Variants in B3GLCT observed in about 807,000 individuals in gnomAD.
B3GLCT encodes the protein beta 3-glucosyltransferase, also known as beta-1,3-glucosyltransferase.
Under a neutral mutation model 63.4 loss-of-function variants are expected in B3GLCT, and 65 were observed. The ratio of observed to expected loss-of-function variants is 1.03; its 90% CI spans 0.84 to 1.26. The LOEUF (loss-of-function observed/expected upper bound fraction) is 1.26, where lower values mean the gene tolerates loss of function less well. Ranked by LOEUF, B3GLCT falls within the 50% of genes most tolerant of loss-of-function variation. The pLI is 0.00. For missense variants in B3GLCT, 577 were observed against 604.8 expected (o/e 0.95, Z 0.48); for synonymous variants, 233 against 219.2 (o/e 1.06, Z -0.55).
At position 31,329,695 on chromosome 13, in the gene B3GLCT, G is replaced by A. The variant is rs780198142; in HGVS notation, c.*27G>A. ...TCAGGGTGACCTGTGCGCCTAGCCT[G>A]CGCAGGGAATGAACTGGAGACTGTG... On this transcript the variant is annotated 3_prime_UTR_variant, in exon 15 of 15. Coordinates refer to ENST00000343307, the MANE Select transcript of B3GLCT (RefSeq NM_194318.4). 18 of 1,613,022 alleles carry A rather than the reference G, an allele frequency of 1.1e-5. No homozygotes were observed. The highest frequency in any genetic ancestry group is 1.5e-5 in the Non-Finnish European group (18 of 1,179,406).
At chr13:31,297,821 G>C (rs937123628) in intron 12 of B3GLCT, among the ~76,000 whole-genome samples, 1 of 152,102 alleles carries the variant, frequency 6.6e-6, no homozygotes, top group Non-Finnish European at 1.5e-5. Flanking sequence ...TCAGAACTCA[G>C]GGAAATACTT....
chr13:31,262,501 G>A (rs1393373033), intron 7 of B3GLCT, among the ~76,000 whole-genome samples: 2 of 152,176 alleles, frequency 1.3e-5, no homozygotes, highest in Admixed American at 6.5e-5. Context: ...CCTTCTCACC[G>A]TCTACTGGTC....
At chr13:31,278,621 G>A (rs1872908917) in intron 10 of B3GLCT, among the ~76,000 whole-genome samples, 1 of 152,124 alleles carries the variant, frequency 6.6e-6, no homozygotes, top group South Asian at 2.1e-4. Flanking sequence ...AAGGCAACAG[G>A]ATTTCAGTGA....
chr13:31,302,444 C>T (rs914429411), intron 12 of B3GLCT, among the ~76,000 whole-genome samples: 3 of 144,578 alleles, frequency 2.1e-5, no homozygotes, highest in African/African-American at 7.8e-5. Flanking sequence ...GAGTGCCAGA[C>T]AGTGGGCGCA....
chr13:31,277,473 T>G (rs1314492616), intron 10 of B3GLCT, among the ~76,000 whole-genome samples: 1 of 152,170 alleles, frequency 6.6e-6, no homozygotes, highest in Non-Finnish European at 1.5e-5. Flanking sequence ...TTTCTGAAAT[T>G]GAAAATTAGG....
intron 1 of B3GLCT, among the ~76,000 whole-genome samples, chr13:31,200,538 G>T (rs1483000647): frequency 2.7e-5 from 4 of 150,378 alleles, no homozygotes; most frequent in Admixed American, 6.6e-5. Flanking sequence ...TTGCAACAGC[G>T]CGAGTGGCGG....
chr13:31,232,127 G>A (rs989392797), intron 4 of B3GLCT, among the ~76,000 whole-genome samples: 2 of 152,176 alleles, frequency 1.3e-5, no homozygotes, highest in African/African-American at 2.4e-5. Flanking sequence ...TGAAGTTCCT[G>A]TCTCTAGATC....
At position 31,247,108 on chromosome 13, in the gene B3GLCT, G is replaced by A. The variant is rs1362433157; in HGVS notation, c.347+9G>A. On this transcript the variant is annotated intron_variant, in intron 5 of 14. Coordinates refer to ENST00000343307, the MANE Select transcript of B3GLCT (RefSeq NM_194318.4). ...CTTCCGTTGTTACCGCAGTACGTTTGTTTAACTCACCTGTGAATTACTGAC... is the reference window on the plus strand; with the variant it reads ...CTTCCGTTGTTACCGCAGTACGTTTATTTAACTCACCTGTGAATTACTGAC... 6.2e-7 allele frequency: 1 copy of A among 1,605,458 alleles called. No individual in the cohort carries two copies. The highest frequency in any genetic ancestry group is 1.7e-5 in the Admixed American group (1 of 59,990).
At chr13:31,230,884 T>C (rs1566052107) in intron 4 of B3GLCT, among the ~76,000 whole-genome samples, 1 of 152,100 alleles carries the variant, frequency 6.6e-6, no homozygotes, top group Non-Finnish European at 1.5e-5. Flanking sequence ...GGTGTGCGCC[T>C]GTAGTCCCAG....
chr13:31,240,834 C>T (rs947645985), intron 4 of B3GLCT, among the ~76,000 whole-genome samples: 2 of 152,108 alleles, frequency 1.3e-5, no homozygotes. Context: ...TATTGCATTG[C>T]TGTTGAATGC....
intron 10 of B3GLCT, among the ~76,000 whole-genome samples, chr13:31,279,597 C>T (rs906228700): frequency 6.6e-6 from 1 of 152,036 alleles, no homozygotes; most frequent in Non-Finnish European, 1.5e-5. Context: ...TAAAATAGCA[C>T]AAGGCAAATG....
chr13:31,301,083 CATA>C (rs1188588605), intron 12 of B3GLCT, among the ~76,000 whole-genome samples: 1 of 152,208 alleles, frequency 6.6e-6, no homozygotes, highest in African/African-American at 2.4e-5. Flanking sequence ...CTCTCACTGT[CATA>C]ATCTTTGCAA....
At chr13:31,318,219 AT>A (rs932880997) in intron 13 of B3GLCT, among the ~76,000 whole-genome samples, 2 of 152,238 alleles carry the variant, frequency 1.3e-5, no homozygotes, top group African/African-American at 4.8e-5. Flanking sequence ...GGGTAAATCA[AT>A]TAAGCAGTTT....
intron 7 of B3GLCT, 100 bp downstream of exon 7, chr13:31,261,182 GTT>G: frequency 2.9e-6 from 4 of 1,387,676 alleles, no homozygotes; most frequent in Non-Finnish European, 4.0e-6. Flanking sequence ...TCTCAAATGA[GTT>G]TTTCAGCCAG....
At chr13:31,232,987 G>A (rs1041771315) in intron 4 of B3GLCT, among the ~76,000 whole-genome samples, 1 of 152,136 alleles carries the variant, frequency 6.6e-6, no homozygotes, top group Non-Finnish European at 1.5e-5. Flanking sequence ...ACCTTTGGCC[G>A]TATGTACGCA....
chr13:31,214,800 T>C (rs1026284619), intron 1 of B3GLCT, among the ~76,000 whole-genome samples: 1 of 152,242 alleles, frequency 6.6e-6, no homozygotes, highest in Admixed American at 6.5e-5. Context: ...ATACACAGAT[T>C]TGAATTTGTC....
chr13:31,262,692 C>G (rs1872097472), intron 7 of B3GLCT, among the ~76,000 whole-genome samples: 1 of 152,206 alleles, frequency 6.6e-6, no homozygotes, highest in Admixed American at 6.5e-5. Flanking sequence ...GTTTAGCCAC[C>G]TTTGTTGAGT....
At chr13:31,212,659 C>T (rs1869330665) in intron 1 of B3GLCT, among the ~76,000 whole-genome samples, 1 of 152,208 alleles carries the variant, frequency 6.6e-6, no homozygotes, top group South Asian at 2.1e-4. Flanking sequence ...GTCCTCCTGC[C>T]TTGGCCTCCC....
At chr13:31,265,989 G>A (rs528986209) in intron 7 of B3GLCT, among the ~76,000 whole-genome samples, 5 of 152,208 alleles carry the variant, frequency 3.3e-5, no homozygotes, top group Non-Finnish European at 7.4e-5. Context: ...GTGCTATTGG[G>A]GGCATGACTT....
Sources: gnomAD v4.1 joint callset for allele counts (sites outside exome capture counted in the v4.1 genomes callset) on GRCh38, gnomAD v4.1.1 for gene constraint, MANE v1.5 for transcripts, NCBI Gene and HGNC (gene_info 2026-07-23, HGNC 2026-07-21) for gene names.